LOXHD1: variants seen among roughly 807,000 people sequenced by gnomAD.
LOXHD1 encodes the protein lipoxygenase homology domain-containing protein 1.
LOXHD1 carries 205 observed loss-of-function variants against 248.2 expected under a neutral mutation model. That is an observed-to-expected ratio of 0.83 (90% CI 0.74 to 0.93). The LOEUF is 0.93. LOXHD1 is among the 40% of genes least tolerant of loss of function. LOXHD1 has a pLI of 0.00. For missense variants in LOXHD1, 2,930 were observed against 2,971.6 expected, an observed-to-expected ratio of 0.99 and a Z score of 0.33; for synonymous variants, 1,113 against 1,162.8, an observed-to-expected ratio of 0.96 and a Z score of 0.87.
At chr18:46,478,160 G>T (rs1170470485) in intron 40 of LOXHD1, among the ~76,000 whole-genome samples, 4 of 152,198 alleles carry the variant, frequency 2.6e-5, no homozygotes, top group Non-Finnish European at 4.4e-5. Context: ...TCTTCCAGTT[G>T]CTTCTTGATT....
chr18:46,609,018 A>G (rs563417046), intron 6 of LOXHD1, among the ~76,000 whole-genome samples: 1 of 152,378 alleles, frequency 6.6e-6, no homozygotes, highest in Non-Finnish European at 1.5e-5. Context: ...TGGCCAGTGA[A>G]ATGTAGCCAG....
Position 46,477,712 on chromosome 18 carries a change from C to T in LOXHD1, c.6582G>A (p.Met2194Ile), listed in dbSNP as rs1395748994. ...TGCTGCCCCGCTCGAAGAGGTTGCGCATTTTCTGCTTCAGCTCCCGCTTGC... is the reference window on the plus strand; with the variant it reads ...TGCTGCCCCGCTCGAAGAGGTTGCGTATTTTCTGCTTCAGCTCCCGCTTGC... ...DTGKRELKQKMRNLFERGSTD... is the reference protein window; with the variant it reads ...DTGKRELKQKIRNLFERGSTD... The change falls in exon 41 of 41, where the codon ATG becomes ATA. Residue 2194 changes from methionine to isoleucine, a missense_variant. By Grantham distance (10) the Met-to-Ile change is conservative. Transcript: ENST00000642948. 6.4e-7 allele frequency: 1 copy of T among 1,551,970 alleles called. No individual in the cohort carries two copies. The highest frequency in any genetic ancestry group is 8.7e-7 in the Non-Finnish European group (1 of 1,147,060).
intron 21 of LOXHD1, among the ~76,000 whole-genome samples, chr18:46,550,994 C>T (rs1384198977): frequency 6.6e-6 from 1 of 152,164 alleles, no homozygotes; most frequent in Non-Finnish European, 1.5e-5. Flanking sequence ...GCATACAAGG[C>T]ACTCATAATA....
intron 35 of LOXHD1, 101 bp downstream of exon 35, chr18:46,509,597 A>G (rs1455142064): frequency 2.4e-6 from 2 of 840,654 alleles, no homozygotes; most frequent in Admixed American, 2.0e-5. Flanking sequence ...GATCCTCTAC[A>G]GTGACATTTG....
At chr18:46,615,227 A>G (rs536685532) in intron 5 of LOXHD1, among the ~76,000 whole-genome samples, 1 of 152,216 alleles carries the variant, frequency 6.6e-6, no homozygotes, top group Non-Finnish European at 1.5e-5. Context: ...CCCCAGCCCC[A>G]GGAAAGAGGC....
chr18:46,542,966 C>A, intron 23 of LOXHD1, 111 bp from the exon 24 acceptor site: 1 of 1,425,254 alleles, frequency 7.0e-7, no homozygotes, highest in Non-Finnish European at 9.6e-7. Context: ...GAACTTCCAC[C>A]AAATTTAGAC....
intron 28 of LOXHD1, among the ~76,000 whole-genome samples, chr18:46,531,982 T>C (rs556186247): frequency 5.1e-4 from 77 of 152,370 alleles, no homozygotes; most frequent in African/African-American, 1.8e-3. Flanking sequence ...GAGCTATAGC[T>C]GTTTTACTTC....
intron 37 of LOXHD1, among the ~76,000 whole-genome samples, chr18:46,500,956 T>C (rs1396979094): frequency 6.6e-6 from 1 of 152,202 alleles, no homozygotes; most frequent in Non-Finnish European, 1.5e-5. Flanking sequence ...ACTAGCATCC[T>C]GTGGACCTCC....
intron 34 of LOXHD1, among the ~76,000 whole-genome samples, chr18:46,511,577 G>C (rs924518125): frequency 3.9e-5 from 6 of 152,230 alleles, no homozygotes; most frequent in African/African-American, 1.2e-4. Flanking sequence ...CTCCATGACT[G>C]AGCACAGCCT....
intron 31 of LOXHD1, 133 bp from the exon 32 acceptor site, chr18:46,522,442 GC>G (rs2035626660): frequency 1.4e-6 from 1 of 702,004 alleles, no homozygotes; most frequent in Non-Finnish European, 2.4e-6. Context: ...AGTGCAGTGA[GC>G]CCTTCAGACT....
chr18:46,591,845 C>G, intron 12 of LOXHD1, 88 bp downstream of exon 12: 8 of 1,474,060 alleles, frequency 5.4e-6, no homozygotes, highest in Non-Finnish European at 7.4e-6. Context: ...GCAAAGCAGA[C>G]AAGACTCTCA....
intron 1 of LOXHD1, among the ~76,000 whole-genome samples, chr18:46,649,728 G>A (rs1397330847): frequency 6.6e-6 from 1 of 152,142 alleles, no homozygotes. Context: ...CTCAGAATAA[G>A]CCGTCCCAGG....
chr18:46,494,412 C>T (rs1347385697), intron 37 of LOXHD1, among the ~76,000 whole-genome samples: 1 of 152,212 alleles, frequency 6.6e-6, no homozygotes, highest in Non-Finnish European at 1.5e-5. Flanking sequence ...CACCAAGCAA[C>T]TCCATTCTTG....
chr18:46,567,330 C>T (rs550453113), intron 16 of LOXHD1, among the ~76,000 whole-genome samples: 2 of 152,340 alleles, frequency 1.3e-5, no homozygotes, highest in East Asian at 1.9e-4. Context: ...ACTGTCCATG[C>T]GAGCCTGCTC....
intron 12 of LOXHD1, among the ~76,000 whole-genome samples, chr18:46,589,917 A>C (rs2038134384): frequency 6.6e-6 from 1 of 152,224 alleles, no homozygotes; most frequent in South Asian, 2.1e-4. Context: ...GTGGAAGTAA[A>C]GAACATTCTG....
At chr18:46,557,216 C>T (rs1251250090) in intron 21 of LOXHD1, 140 bp downstream of exon 21, 2 of 941,558 alleles carry the variant, frequency 2.1e-6, no homozygotes, top group Admixed American at 4.4e-5. Context: ...GTACACCTCA[C>T]CCTTAGGTGT....
chr18:46,649,305 A>T (rs960900069), intron 1 of LOXHD1, 36 bp from the exon 2 acceptor site: 5 of 1,522,818 alleles, frequency 3.3e-6, no homozygotes, highest in Non-Finnish European at 4.5e-6. Context: ...TTGCAGGCTC[A>T]GAAAAAAACC....
intron 31 of LOXHD1, 33 bp from the exon 32 acceptor site, chr18:46,522,342 A>G (rs1163777276): frequency 1.2e-5 from 19 of 1,522,140 alleles, no homozygotes; most frequent in Non-Finnish European, 1.7e-5. Context: ...GGTTCATAAC[A>G]GACCAGATAG....
intron 12 of LOXHD1, 119 bp from the exon 13 acceptor site, chr18:46,579,903 C>T (rs542352688): frequency 8.6e-7 from 1 of 1,165,920 alleles, no homozygotes; most frequent in East Asian, 2.6e-5. Flanking sequence ...TCTGGGCTGA[C>T]CTTCCCCCTT....
Sources: gnomAD v4.1 joint callset for allele counts (sites outside exome capture counted in the v4.1 genomes callset) on GRCh38, gnomAD v4.1.1 for gene constraint, MANE v1.5 for transcripts, NCBI Gene and HGNC (gene_info 2026-07-23, HGNC 2026-07-21) for gene names.